The following ADAM12 variants were observed in gnomAD, a reference collection of about 807,000 sequenced individuals.
The protein encoded by ADAM12 is disintegrin and metalloproteinase domain-containing protein 12.
A neutral mutation model predicts 106.4 loss-of-function variants in ADAM12; 70 were observed. The observed-to-expected ratio is 0.66, with a 90% CI of 0.54 to 0.80. The LOEUF (loss-of-function observed/expected upper bound fraction) is 0.80. Ranked by LOEUF, ADAM12 falls within the 30% of genes least tolerant of loss-of-function variation. ADAM12 has a pLI of 0.00. For missense variants in ADAM12, 1,010 were observed against 1,171.9 expected (o/e 0.86, Z 2.02); for synonymous variants, 420 against 433.5 (o/e 0.97, Z 0.39).
chr10:126,364,560 G>C (rs10751547), intron 1 of ADAM12, among the ~76,000 whole-genome samples: 8 of 151,826 alleles, frequency 5.3e-5, no homozygotes, highest in Admixed American at 2.0e-4. Context: ...AATGACAAGG[G>C]AAGAAAAATA....
At chr10:126,046,201 TG>T in intron 16 of ADAM12, 69 bp from the exon 17 acceptor site, 1 of 1,417,454 alleles carries the variant, frequency 7.1e-7, no homozygotes, top group South Asian at 1.2e-5. Context: ...CATACATACC[TG>T]TATTCAAACA....
chr10:126,091,037 T>G (rs1955454324), intron 11 of ADAM12: 1 of 152,202 alleles, frequency 6.6e-6, no homozygotes, highest in Non-Finnish European at 1.5e-5. Context: ...TGGCTGGTGT[T>G]TGGATGTGGG....
At chr10:126,051,393 C>A (rs1954478164) in intron 14 of ADAM12, among the ~76,000 whole-genome samples, 1 of 152,090 alleles carries the variant, frequency 6.6e-6, no homozygotes, top group African/African-American at 2.4e-5. Flanking sequence ...CTTCCATCAT[C>A]CATTTATATA....
chr10:126,370,134 C>G (rs1856058590), intron 1 of ADAM12, among the ~76,000 whole-genome samples: 1 of 152,132 alleles, frequency 6.6e-6, no homozygotes, highest in Non-Finnish European at 1.5e-5. Flanking sequence ...CCCAGTTGAG[C>G]CTTTGAATGA....
rs573945306 is a variant in ADAM12, at chr10:126,236,156, C to T, written c.260+42759G>A. Among the ~76,000 whole-genome samples, 4 of 152,326 alleles carry T rather than the reference C, an allele frequency of 2.6e-5. No individual in the cohort carries two copies. The South Asian group carries it at 8.3e-4, about 32-fold the overall frequency. On this transcript the variant is annotated intron_variant, in intron 3 of 22. Coordinates refer to ENST00000448723, the MANE Select transcript of ADAM12 (RefSeq NM_001288973.2). ...ATGCCCTCACTTGGGAGCAAAGAAG[C>T]CAGGGGATGCTGGAGCTCAGCCCAG... is the stretch of plus-strand genomic sequence containing the variant.
chr10:126,235,912 G>T, intron 3 of ADAM12, among the ~76,000 whole-genome samples: 1 of 152,102 alleles, frequency 6.6e-6, no homozygotes, highest in East Asian at 1.9e-4. Context: ...CGGAGGAGGG[G>T]GTGGCTGTAC....
At position 126,094,005 on chromosome 10, in the gene ADAM12, G is replaced by T. The variant is rs763772662; in HGVS notation, c.1125C>A (p.Cys375Ter). The change falls in exon 11 of 23, where the codon TGC becomes TGA. Residue 375 changes from cysteine to a stop codon, truncating the protein, a stop_gained. Transcript: ENST00000448723. LOFTEE classifies it high-confidence loss of function. ...CTTGCCCGGTGGAAGCGTTCATGAT[G>T]CAGCCTCCTTTCTCAACCGCCATTT... ...SCQMAVEKGGCIMNASTGYPF... is the reference protein window; with the variant it reads ...SCQMAVEKGG 6.2e-7 allele frequency: 1 copy of T among 1,614,146 alleles called. No individual in the cohort carries two copies. Among genetic ancestry groups the T allele is most frequent in the Admixed American group, 1.7e-5 (1 of 60,030 alleles).
chr10:126,120,742 A>G (rs1198902740), intron 5 of ADAM12, among the ~76,000 whole-genome samples: 1 of 151,450 alleles, frequency 6.6e-6, no homozygotes, highest in East Asian at 1.9e-4. Context: ...AAAGATCCAT[A>G]TTTTGGGGTA....
intron 1 of ADAM12, among the ~76,000 whole-genome samples, chr10:126,385,632 T>G (rs1381409730): frequency 2.0e-5 from 3 of 152,182 alleles, no homozygotes; most frequent in Admixed American, 2.0e-4. Context: ...GAAAAGTATT[T>G]GCAAAGTCTT....
chr10:126,017,599 AAAAGT>A (rs1198931000), intron 22 of ADAM12, among the ~76,000 whole-genome samples: 11 of 152,358 alleles, frequency 7.2e-5, no homozygotes, highest in African/African-American at 2.2e-4. Flanking sequence ...GCCACATGAA[AAAAGT>A]AAAGAGAAAG....
intron 3 of ADAM12, among the ~76,000 whole-genome samples, chr10:126,206,451 G>A (rs10901557): frequency 0.024 from 3,631 of 152,158 alleles, 210 homozygotes; most frequent in East Asian, 0.19. Context: ...GTGACTCCTC[G>A]GCACTCAAGC....
chr10:126,354,671 A>G (rs189704266), intron 1 of ADAM12, among the ~76,000 whole-genome samples: 544 of 152,322 alleles, frequency 3.6e-3, no homozygotes, highest in South Asian at 9.7e-3. Context: ...GCCAAGAACA[A>G]ACTGGTTGAT....
chr10:126,082,661 A>G (rs1955251441), intron 11 of ADAM12, among the ~76,000 whole-genome samples: 1 of 152,092 alleles, frequency 6.6e-6, no homozygotes, highest in Non-Finnish European at 1.5e-5. Flanking sequence ...GTGAGCCACC[A>G]TGCCGGCCAC....
chr10:126,297,786 G>A (rs543876506), intron 2 of ADAM12, among the ~76,000 whole-genome samples: 38 of 152,242 alleles, frequency 2.5e-4, no homozygotes, highest in African/African-American at 8.9e-4. Flanking sequence ...GACCCAGATG[G>A]AGAAGAAAAC....
At chr10:126,100,207 A>G (rs1169808852) in intron 9 of ADAM12, among the ~76,000 whole-genome samples, 1 of 152,124 alleles carries the variant, frequency 6.6e-6, no homozygotes, top group African/African-American at 2.4e-5. Flanking sequence ...CGGGTGATGC[A>G]TATTGATTTA....
intron 2 of ADAM12, among the ~76,000 whole-genome samples, chr10:126,280,099 C>T (rs1959495476): frequency 6.6e-6 from 1 of 152,148 alleles, no homozygotes; most frequent in Admixed American, 6.5e-5. Context: ...ACTTAACTAA[C>T]CACATGCCAC....
chr10:126,113,865 T>G (rs1955931540), intron 6 of ADAM12, among the ~76,000 whole-genome samples: 1 of 150,556 alleles, frequency 6.6e-6, no homozygotes, highest in African/African-American at 2.4e-5. Context: ...TGGACATGGG[T>G]AGCCACATGC....
At chr10:126,276,880 T>A (rs1348582044) in intron 3 of ADAM12, among the ~76,000 whole-genome samples, 1 of 152,216 alleles carries the variant, frequency 6.6e-6, no homozygotes, top group Non-Finnish European at 1.5e-5. Context: ...TCTCTAGCAG[T>A]CAACGTGTAT....
intron 3 of ADAM12, among the ~76,000 whole-genome samples, chr10:126,192,424 G>A (rs889393647): frequency 4.6e-5 from 7 of 152,172 alleles, no homozygotes; most frequent in African/African-American, 1.7e-4. Context: ...AGGGACATCA[G>A]CTTTACCTTC....
Sources: gnomAD v4.1 joint callset for allele counts (sites outside exome capture counted in the v4.1 genomes callset) on GRCh38, gnomAD v4.1.1 for gene constraint, MANE v1.5 for transcripts, NCBI Gene and HGNC (gene_info 2026-07-23, HGNC 2026-07-21) for gene names.